APH1B: variants seen among roughly 807,000 people sequenced by gnomAD.
The protein encoded by APH1B is gamma-secretase subunit APH-1B.
APH1B carries 27 observed loss-of-function variants against 28.2 expected under a neutral mutation model. The observed-to-expected ratio is 0.96, with a 90% CI of 0.70 to 1.32. The LOEUF is 1.32. Ranked by LOEUF, APH1B falls within the 40% of genes most tolerant of loss-of-function variation. APH1B has a pLI of 0.00. For missense variants in APH1B, 305 were observed against 313.6 expected, an observed-to-expected ratio of 0.97 and a Z score of 0.21; for synonymous variants, 141 against 124.6, an observed-to-expected ratio of 1.13 and a Z score of -0.88.
intron 4 of APH1B, among the ~76,000 whole-genome samples, chr15:63,297,189 G>T (rs1567031343): frequency 6.6e-6 from 1 of 152,156 alleles, no homozygotes; most frequent in Non-Finnish European, 1.5e-5. Flanking sequence ...AACTAACGTT[G>T]ATATTCTTAT....
chr15:63,281,321 T>C (rs576964787), intron 2 of APH1B, among the ~76,000 whole-genome samples: 12 of 152,010 alleles, frequency 7.9e-5, no homozygotes, highest in Non-Finnish European at 1.3e-4. Context: ...AAAGAAAGGC[T>C]GTTTGTTCTT....
At chr15:63,281,821 A>G (rs2038392210) in intron 2 of APH1B, among the ~76,000 whole-genome samples, 1 of 151,128 alleles carries the variant, frequency 6.6e-6, no homozygotes. Context: ...GCAAGTGTCC[A>G]CTTTTTTAAT....
intron 4 of APH1B, among the ~76,000 whole-genome samples, chr15:63,298,254 A>T (rs185830880): frequency 1.1e-4 from 16 of 152,324 alleles, no homozygotes; most frequent in African/African-American, 3.1e-4. Context: ...TCTGTCACCC[A>T]GGCTGGAGTG....
intron 4 of APH1B, among the ~76,000 whole-genome samples, chr15:63,301,997 A>G (rs953636495): frequency 6.6e-6 from 1 of 152,180 alleles, no homozygotes; most frequent in East Asian, 1.9e-4. Flanking sequence ...TAAACAGAAG[A>G]TACTCCTTTT....
chr15:63,289,286 AT>A (rs1383910001), intron 4 of APH1B, among the ~76,000 whole-genome samples: 1 of 152,202 alleles, frequency 6.6e-6, no homozygotes, highest in African/African-American at 2.4e-5. Flanking sequence ...TAAGAAATTA[AT>A]TTGTATTACA....
intron 3 of APH1B, chr15:63,287,176 C>G (rs1595760391): frequency 4.9e-6 from 2 of 408,626 alleles, no homozygotes; most frequent in East Asian, 8.8e-5. Flanking sequence ...CTGTGCCTTT[C>G]TAGACCCTTT....
chr15:63,289,591 T>C (rs1414733614), intron 4 of APH1B, among the ~76,000 whole-genome samples: 1 of 152,228 alleles, frequency 6.6e-6, no homozygotes, highest in African/African-American at 2.4e-5. Context: ...ACACCTGACC[T>C]TGTGTGATGG....
chr15:63,295,134 G>C (rs16946754), intron 4 of APH1B, among the ~76,000 whole-genome samples: 5 of 152,188 alleles, frequency 3.3e-5, no homozygotes, highest in Non-Finnish European at 5.9e-5. Context: ...AAATGGCATA[G>C]ATCAGGTTTG....
At position 63,304,057 on chromosome 15, in the gene APH1B, C is replaced by T. The variant is rs2038662577; in HGVS notation, c.607-1557C>T. Among the ~76,000 whole-genome samples, 1 of 152,190 alleles carries T rather than the reference C, an allele frequency of 6.6e-6. No individual in the cohort carries two copies. Among genetic ancestry groups the T allele is most frequent in the Admixed American group, 6.5e-5 (1 of 15,274 alleles). ...TTGTGGTTCGTCCACCTCCTCACTG[C>T]ATTCTCTTTATTGTTAGTCGTCCTG... On this transcript the variant is annotated intron_variant, in intron 5 of 5. Transcript: ENST00000261879. The surrounding 1 kb of genome is among the most constrained non-coding windows in gnomAD (Gnocchi z 5.1).
intron 1 of APH1B, 126 bp from the exon 2 acceptor site, chr15:63,279,035 C>G (rs7162310): frequency 1.3e-6 from 1 of 773,572 alleles, no homozygotes; most frequent in Non-Finnish European, 1.9e-6. Flanking sequence ...TGAGGACTTT[C>G]TTTTCCTTAT....
intron 4 of APH1B, among the ~76,000 whole-genome samples, chr15:63,294,288 G>C (rs1028821052): frequency 6.6e-6 from 1 of 151,958 alleles, no homozygotes; most frequent in African/African-American, 2.4e-5. Context: ...TCATTTGAAA[G>C]GGAAAAAAAA....
chr15:63,301,447 A>G (rs1197908476), intron 4 of APH1B, among the ~76,000 whole-genome samples: 1 of 152,236 alleles, frequency 6.6e-6, no homozygotes, highest in African/African-American at 2.4e-5. Context: ...AAGACTGTTA[A>G]CCAGTACACA....
At chr15:63,301,695 C>T (rs2038629590) in intron 4 of APH1B, among the ~76,000 whole-genome samples, 1 of 152,012 alleles carries the variant, frequency 6.6e-6, no homozygotes, top group Non-Finnish European at 1.5e-5. Context: ...AATTCTCCTG[C>T]CTGAGCCTCC....
intron 2 of APH1B, among the ~76,000 whole-genome samples, chr15:63,285,527 T>G (rs2152594299): frequency 6.6e-6 from 1 of 152,378 alleles, no homozygotes; most frequent in Non-Finnish European, 1.5e-5. Context: ...GCTAGTAGAA[T>G]TGACCAGCCA....
chr15:63,287,581 T>C (rs36011035), intron 4 of APH1B, 35 bp downstream of exon 4: 134,180 of 1,606,700 alleles, frequency 0.084, 6,370 homozygotes, highest in Middle Eastern at 0.15. Context: ...TTCAGGCTTC[T>C]AGTCTAAATG....
rs936148489 is a variant in APH1B, at chr15:63,278,420, C to T, written c.113+684C>T. 1.8e-4 allele frequency: 82 copies of T among 452,404 alleles called. 2 individuals carry two copies. The highest frequency in any genetic ancestry group is 1.0e-3 in the South Asian group (66 of 64,100). The allele number at this position is 452,404 out of a possible 1,614,324, so 28.0% of individuals were successfully genotyped here. On this transcript the variant is annotated intron_variant, in intron 1 of 5. Coordinates refer to ENST00000261879, the MANE Select transcript of APH1B (RefSeq NM_031301.4). The stretch of plus-strand genomic sequence containing the variant: ...GCCTCTTACTTGCACATACCACATC[C>T]CCCCTCCTCTGATGAGTCTCTCTTG...
chr15:63,281,542 A>AAC lies in APH1B; in HGVS notation c.284+2212_284+2213insCA, dbSNP rs2038387917. On this transcript the variant is annotated intron_variant, in intron 2 of 5. Transcript: ENST00000261879. ...GCCATGGGTCTAATTTTGAAAAAAA[A>AAC]AAAAAAAAACAAAAAAAAACACAAT... Among the ~76,000 whole-genome samples the AAC allele has an allele frequency of 2.3e-5, 3 of 132,624 alleles. 1 individual carries two copies. The highest frequency in any genetic ancestry group is 5.0e-5 in the Non-Finnish European group (3 of 59,884). 87.0% of individuals were successfully genotyped at this position (132,624 alleles called of 152,430 possible).
At chr15:63,299,972 C>T (rs187505634) in intron 4 of APH1B, among the ~76,000 whole-genome samples, 2 of 152,010 alleles carry the variant, frequency 1.3e-5, no homozygotes, top group African/African-American at 2.4e-5. Flanking sequence ...GGATGGGACT[C>T]CAGACGTGAA....
intron 4 of APH1B, among the ~76,000 whole-genome samples, chr15:63,289,216 T>C (rs2038478128): frequency 1.3e-5 from 2 of 152,226 alleles, no homozygotes; most frequent in African/African-American, 2.4e-5. Flanking sequence ...GTTTTATCAT[T>C]TGCAAGTTTC....
Sources: gnomAD v4.1 joint callset for allele counts (sites outside exome capture counted in the v4.1 genomes callset) on GRCh38, gnomAD v4.1.1 for gene constraint, Gnocchi (gnomAD v3.1) non-coding constraint, MANE v1.5 for transcripts, NCBI Gene and HGNC (gene_info 2026-07-23, HGNC 2026-07-21) for gene names.